The following NSUN6 variants were observed in gnomAD, a reference collection of about 807,000 sequenced individuals.
NSUN6 encodes NOP2/Sun RNA methyltransferase 6, also known as tRNA (cytosine(72)-C(5))-methyltransferase NSUN6.
Under a neutral mutation model 58.0 loss-of-function variants are expected in NSUN6, and 64 were observed. That is an observed-to-expected ratio of 1.10 (90% CI 0.90 to 1.36). NSUN6 has a LOEUF of 1.36. NSUN6 is among the 40% of genes most tolerant of loss of function. The pLI is 0.00. For synonymous variants in NSUN6, 231 were observed against 193.9 expected, an observed-to-expected ratio of 1.19 and a Z score of -1.59; for missense variants, 701 against 550.1, an observed-to-expected ratio of 1.27 and a Z score of -2.74.
chr10:18,573,094 T>C (rs1044092051), intron 8 of NSUN6, among the ~76,000 whole-genome samples: 2 of 150,568 alleles, frequency 1.3e-5, no homozygotes, highest in Admixed American at 6.6e-5. Flanking sequence ...CTCCATTCCA[T>C]TCCATCCTCC....
At chr10:18,551,043 A>G (rs968922793) in intron 9 of NSUN6, among the ~76,000 whole-genome samples, 1 of 152,064 alleles carries the variant, frequency 6.6e-6, no homozygotes, top group Non-Finnish European at 1.5e-5. Context: ...TATTTTTTTA[A>G]AAAAAAGAGT....
chr10:18,627,315 C>A (rs542690557), intron 3 of NSUN6, among the ~76,000 whole-genome samples: 1 of 152,236 alleles, frequency 6.6e-6, no homozygotes, highest in South Asian at 2.1e-4. Context: ...TTTTAAATAA[C>A]TGTGATATCG....
intron 8 of NSUN6, among the ~76,000 whole-genome samples, chr10:18,554,782 G>A (rs144908501): frequency 5.6e-4 from 85 of 151,076 alleles, no homozygotes; most frequent in African/African-American, 1.9e-3. Context: ...TGGATGGAAT[G>A]TATTACAATG....
intron 8 of NSUN6, among the ~76,000 whole-genome samples, chr10:18,576,088 G>C (rs969570006): frequency 2.0e-5 from 3 of 152,124 alleles, no homozygotes; most frequent in Non-Finnish European, 4.4e-5. Flanking sequence ...GCCCCATCCA[G>C]AGTCATGGGC....
In NSUN6 at chr10:18,609,886, G is replaced by A; in HGVS notation, c.616C>T (p.Pro206Ser). The A allele has an allele frequency of 3.1e-6, 5 of 1,605,570 alleles. No individual in the cohort carries two copies. The South Asian group carries it at 5.5e-5, about 18-fold the overall frequency. The change falls in exon 6 of 11, where the codon CCT (proline) becomes TCT (serine). Residue 206 changes from proline to serine, a missense_variant. By Grantham distance (74) the Pro-to-Ser change is moderately conservative. Coordinates refer to ENST00000377304, the MANE Select transcript of NSUN6 (RefSeq NM_182543.5). ...CGGGGCAGTACACTGTCAAATGAAG[G>A]GCTGAGATATACTGGTTCTGTCATT... ...IRMTEPVYLS[P>S]SFDSVLPRYL...
chr10:18,581,845 C>G (rs1272126937), intron 8 of NSUN6, among the ~76,000 whole-genome samples: 1 of 151,578 alleles, frequency 6.6e-6, no homozygotes, highest in Non-Finnish European at 1.5e-5. Flanking sequence ...AAAAGGGAAA[C>G]CAGCAGCCCT....
rs956216069 is a variant in NSUN6, at chr10:18,600,980, A to G, written c.658-4653T>C. 8.7e-4 allele frequency among the ~76,000 whole-genome samples: 113 copies of G among 129,592 alleles called. 1 individual carries two copies. The highest frequency in any genetic ancestry group is 8.6e-4 in the African/African-American group (30 of 34,988). The allele number at this position is 129,592 out of a possible 152,430, so 85.0% of individuals were successfully genotyped here. A position where few individuals can be genotyped will look rare whatever the true frequency, so the allele number is the denominator to read the frequency against. ...TATATACATATATATATATATATGTATATATATATATATTATATACTAGCT... is the reference window on the plus strand; with the variant it reads ...TATATACATATATATATATATATGTGTATATATATATATTATATACTAGCT... On this transcript the variant is annotated intron_variant, in intron 6 of 10. Transcript: ENST00000377304.
At chr10:18,578,178 G>A (rs1233902832) in intron 8 of NSUN6, among the ~76,000 whole-genome samples, 1 of 151,580 alleles carries the variant, frequency 6.6e-6, no homozygotes, top group Non-Finnish European at 1.5e-5. Context: ...CAGCAGCTAG[G>A]CAGGACCTTT....
intron 8 of NSUN6, among the ~76,000 whole-genome samples, chr10:18,577,588 C>A (rs2056713487): frequency 6.6e-6 from 1 of 151,928 alleles, no homozygotes; most frequent in Non-Finnish European, 1.5e-5. Flanking sequence ...AACAACTAAG[C>A]CAAGACATGT....
intron 8 of NSUN6, among the ~76,000 whole-genome samples, chr10:18,574,123 C>G (rs1263306776): frequency 6.6e-6 from 1 of 152,086 alleles, no homozygotes; most frequent in East Asian, 1.9e-4. Context: ...AACACGGAGG[C>G]TGCCAGCAGA....
chr10:18,560,696 G>T (rs2055429332), intron 8 of NSUN6, among the ~76,000 whole-genome samples: 1 of 147,462 alleles, frequency 6.8e-6, no homozygotes, highest in Non-Finnish European at 1.5e-5. Flanking sequence ...AATGGAATGT[G>T]GAATGGAATG....
intron 3 of NSUN6, among the ~76,000 whole-genome samples, chr10:18,623,575 G>A (rs569132683): frequency 2.6e-5 from 4 of 152,078 alleles, no homozygotes; most frequent in African/African-American, 9.7e-5. Context: ...TCAGAATCTA[G>A]GAATGTCTTA....
intron 8 of NSUN6, among the ~76,000 whole-genome samples, chr10:18,566,349 G>A (rs573972438): frequency 2.7e-4 from 32 of 119,398 alleles, no homozygotes; most frequent in Middle Eastern, 8.2e-3. Flanking sequence ...ATTCCATTCC[G>A]CAATCCATTC....
In NSUN6 at chr10:18,585,955, T is replaced by G. The variant is rs771135044; in HGVS notation, c.916A>C (p.Thr306Pro). 1 of 1,597,652 alleles carries G rather than the reference T, an allele frequency of 6.3e-7. No homozygotes were observed. ...GAAAATCAAAATAGCTCACCTTCTG[T>G]GTCCTCCACCATATCAAGTTTAACC... is the stretch of plus-strand genomic sequence containing the variant. ...KAVKLDMVEDTEGEPPFLPES... is the reference protein window; with the variant it reads ...KAVKLDMVEDPEGEPPFLPES... Residue 306 changes from threonine (T) to proline (P), a missense_variant, in exon 8 of 11, where the codon ACA becomes CCA. Coordinates refer to ENST00000377304, the MANE Select transcript of NSUN6 (RefSeq NM_182543.5).
intron 7 of NSUN6, among the ~76,000 whole-genome samples, chr10:18,589,082 G>C (rs2057281788): frequency 6.6e-6 from 1 of 152,194 alleles, no homozygotes; most frequent in Non-Finnish European, 1.5e-5. Flanking sequence ...TAAATGACCT[G>C]ATGGAGCTGA....
upstream of NSUN6, chr10:18,652,648 C>T (rs1043577226): frequency 3.7e-6 from 3 of 804,908 alleles, no homozygotes; most frequent in Admixed American, 6.3e-5. Flanking sequence ...GCAACCTCCA[C>T]CTCCTGGTTC....
At chr10:18,636,180 G>A (rs1458169887) in intron 3 of NSUN6, among the ~76,000 whole-genome samples, 1 of 151,930 alleles carries the variant, frequency 6.6e-6, no homozygotes, top group Non-Finnish European at 1.5e-5. Context: ...GTACATAAGA[G>A]GTAACCTTCG....
intron 6 of NSUN6, among the ~76,000 whole-genome samples, chr10:18,602,536 A>C (rs1222274604): frequency 4.0e-5 from 6 of 149,576 alleles, no homozygotes; most frequent in Non-Finnish European, 5.9e-5. Flanking sequence ...ACCCGGCCTA[A>C]TTTTTGTATT....
chr10:18,566,286 TCCCATTCTATTCCATTCTCCA>T, intron 8 of NSUN6, among the ~76,000 whole-genome samples: 1 of 132,358 alleles, frequency 7.6e-6, no homozygotes. Context: ...CCATTCTCCA[TCCCATTCTATTCCATTCTCCA>T]TTCTTTTTCA....
Sources: allele counts gnomAD v4.1 joint callset (sites outside exome capture counted in the v4.1 genomes callset), GRCh38; gene constraint gnomAD v4.1.1; transcripts MANE v1.5; gene names NCBI Gene and HGNC (gene_info 2026-07-23, HGNC 2026-07-21).